Variants in HPSE2 observed in about 807,000 individuals in gnomAD.
HPSE2 encodes the protein inactive heparanase-2.
Under a neutral mutation model 60.5 loss-of-function variants are expected in HPSE2, and 38 were observed. The observed-to-expected ratio is 0.63, with a 90% CI of 0.48 to 0.82. The LOEUF is 0.82. Among genes scored for constraint, HPSE2 ranks in the 40% least tolerant of loss-of-function variants. The pLI, the probability that HPSE2 is intolerant of heterozygous loss-of-function variation, is 0.00. For synonymous variants in HPSE2, 295 were observed against 293.2 expected (o/e 1.01, Z -0.06); for missense variants, 713 against 740.4 (o/e 0.96, Z 0.43).
chr10:98,874,477 C>T lies in HPSE2; in HGVS notation c.611-130421G>A, dbSNP rs538162754. On this transcript the variant is annotated intron_variant, in intron 3 of 11. Transcript: ENST00000370552. ...ATTGATTTTGTATCCTGAGACTTTG[C>T]TGAAGTTGCTTATCAGCTTAAGGAA... Among the ~76,000 whole-genome samples, 7 of 152,136 alleles carry T rather than the reference C, an allele frequency of 4.6e-5. No homozygotes were observed. In the South Asian group the frequency reaches 1.5e-3, roughly 32 times the overall value.
At chr10:98,894,978 T>C (rs1215610207) in intron 3 of HPSE2, among the ~76,000 whole-genome samples, 1 of 152,032 alleles carries the variant, frequency 6.6e-6, no homozygotes, top group Non-Finnish European at 1.5e-5. Flanking sequence ...CTGAAAGTGA[T>C]GAGAAAACAA....
At chr10:98,780,920 G>A (rs1180563901) in intron 3 of HPSE2, among the ~76,000 whole-genome samples, 1 of 152,040 alleles carries the variant, frequency 6.6e-6, no homozygotes, top group Non-Finnish European at 1.5e-5. Flanking sequence ...AGTTAGGGTG[G>A]GAGCATATGA....
At chr10:98,615,832 A>C (rs1224271248) in intron 8 of HPSE2, among the ~76,000 whole-genome samples, 1 of 152,200 alleles carries the variant, frequency 6.6e-6, no homozygotes, top group African/African-American at 2.4e-5. Flanking sequence ...GTAATAATAC[A>C]TAGAATAAAT....
intron 3 of HPSE2, among the ~76,000 whole-genome samples, chr10:99,127,624 T>G (rs1845213160): frequency 6.6e-6 from 1 of 152,182 alleles, no homozygotes; most frequent in Non-Finnish European, 1.5e-5. Context: ...TCTAGACAAC[T>G]AAATACTAGA....
At chr10:98,937,156 G>T (rs745654394) in intron 3 of HPSE2, among the ~76,000 whole-genome samples, 1 of 143,848 alleles carries the variant, frequency 7.0e-6, no homozygotes, top group Non-Finnish European at 1.5e-5. Context: ...AGCGTTAAGC[G>T]ACACAGAACA....
chr10:98,668,007 A>T (rs1307720958), intron 6 of HPSE2, among the ~76,000 whole-genome samples: 1 of 152,176 alleles, frequency 6.6e-6, no homozygotes, highest in Non-Finnish European at 1.5e-5. Flanking sequence ...TTTGCTGATG[A>T]TATAATTTTA....
the HPSE2 span, among the ~76,000 whole-genome samples, chr10:99,248,675 A>G: frequency 6.6e-6 from 1 of 152,234 alleles, no homozygotes; most frequent in African/African-American, 2.4e-5. Flanking sequence ...TAGCAAAGAC[A>G]ATGGGGAAAA....
At chr10:98,474,519 T>G (rs11189627) in intron 11 of HPSE2, among the ~76,000 whole-genome samples, 62,021 of 152,088 alleles carry the variant, frequency 0.41, 13,713 homozygotes, top group African/African-American at 0.6. Context: ...TAACATCAAA[T>G]GACACCTCTC....
At chr10:98,705,344 G>A (rs535989564) in intron 5 of HPSE2, among the ~76,000 whole-genome samples, 10 of 152,324 alleles carry the variant, frequency 6.6e-5, no homozygotes, top group South Asian at 2.1e-4. Flanking sequence ...GGAAGATGGC[G>A]TGGCAATTCC....
chr10:99,032,933 A>G (rs4244334), intron 3 of HPSE2, among the ~76,000 whole-genome samples: 117,862 of 152,092 alleles, frequency 0.77, 45,973 homozygotes, highest in East Asian at 0.86. Context: ...GGATCTACCT[A>G]GACAATCCAA....
chr10:98,940,197 T>C (rs1954946321), intron 3 of HPSE2, among the ~76,000 whole-genome samples: 1 of 142,344 alleles, frequency 7.0e-6, no homozygotes, highest in Non-Finnish European at 1.5e-5. Context: ...ACAAACACAT[T>C]CAAAAGCTAG....
the HPSE2 span, among the ~76,000 whole-genome samples, chr10:99,309,444 G>A: frequency 1.3e-5 from 2 of 152,136 alleles, no homozygotes; most frequent in Non-Finnish European, 1.5e-5. Flanking sequence ...AACTTCATTT[G>A]TCATCAGGGT....
intron 3 of HPSE2, among the ~76,000 whole-genome samples, chr10:98,875,581 C>T (rs1952855865): frequency 1.3e-5 from 2 of 151,942 alleles, no homozygotes; most frequent in Non-Finnish European, 2.9e-5. Context: ...GGATTCACAG[C>T]TGAATTCTAC....
rs553118441 is a variant in HPSE2 at position 99,084,593 on chromosome 10, C to T, written c.610+59645G>A. On this transcript the variant is annotated intron_variant, in intron 3 of 11. Transcript: ENST00000370552. ...TCCCTGGGGAACCATTTTTGTTGCA[C>T]AGGTTGGCTCCACTGGTTAGAAATT... 3.9e-5 allele frequency among the ~76,000 whole-genome samples: 6 copies of T among 152,212 alleles called. No individual in the cohort carries two copies. The South Asian group carries it at 8.3e-4, about 21-fold the overall frequency.
At chr10:99,101,728 T>A (rs1844000756) in intron 3 of HPSE2, among the ~76,000 whole-genome samples, 1 of 152,216 alleles carries the variant, frequency 6.6e-6, no homozygotes, top group South Asian at 2.1e-4. Context: ...GACCACATAG[T>A]TGGAAGTAAA....
chr10:98,873,688 G>C (rs1307301403), intron 3 of HPSE2, among the ~76,000 whole-genome samples: 1 of 152,056 alleles, frequency 6.6e-6, no homozygotes, highest in Non-Finnish European at 1.5e-5. Flanking sequence ...AGGTGCATGT[G>C]TCTTTATAGT....
At chr10:98,611,498 C>T (rs553080067) in intron 9 of HPSE2, among the ~76,000 whole-genome samples, 4 of 152,184 alleles carry the variant, frequency 2.6e-5, no homozygotes, top group Non-Finnish European at 2.9e-5. Flanking sequence ...ATCCCCTAAG[C>T]GCTTAACAAA....
chr10:98,837,224 T>C (rs1371685765), intron 3 of HPSE2, among the ~76,000 whole-genome samples: 1 of 152,224 alleles, frequency 6.6e-6, no homozygotes, highest in African/African-American at 2.4e-5. Flanking sequence ...TCATTAATAC[T>C]CATAGTTTGA....
At chr10:98,808,755 T>C (rs1195558342) in intron 3 of HPSE2, among the ~76,000 whole-genome samples, 1 of 152,108 alleles carries the variant, frequency 6.6e-6, no homozygotes, top group African/African-American at 2.4e-5. Flanking sequence ...ATTTTTACAG[T>C]CTCTATATAA....
Sources: allele counts gnomAD v4.1 joint callset (sites outside exome capture counted in the v4.1 genomes callset), GRCh38; gene constraint gnomAD v4.1.1; transcripts MANE v1.5; gene names NCBI Gene and HGNC (gene_info 2026-07-23, HGNC 2026-07-21).